GPC6: variants seen among roughly 807,000 people sequenced by gnomAD.
GPC6 encodes glypican-6.
Under a neutral mutation model 55.2 loss-of-function variants are expected in GPC6, and 14 were observed. The ratio of observed to expected loss-of-function variants is 0.25; its 90% CI spans 0.17 to 0.40. The LOEUF (loss-of-function observed/expected upper bound fraction) is 0.40. Ranked by LOEUF, GPC6 falls within the 10% of genes least tolerant of loss-of-function variation. The pLI is 1.00. For synonymous variants in GPC6, 278 were observed against 259.6 expected (o/e 1.07, Z -0.68); for missense variants, 641 against 708.5 (o/e 0.90, Z 1.08).
chr13:94,259,953 A>G (rs116896929), intron 4 of GPC6, among the ~76,000 whole-genome samples: 1 of 152,088 alleles, frequency 6.6e-6, no homozygotes, highest in South Asian at 2.1e-4. Flanking sequence ...CTACCAATAG[A>G]CTTTGTGTTC....
At chr13:93,747,231 C>T (rs778327080) in intron 2 of GPC6, among the ~76,000 whole-genome samples, 2 of 152,122 alleles carry the variant, frequency 1.3e-5, no homozygotes, top group Non-Finnish European at 2.9e-5. Flanking sequence ...TTGGTGGAGG[C>T]CTTTGCCACT....
intron 1 of GPC6, among the ~76,000 whole-genome samples, chr13:93,288,461 T>A (rs998390467): frequency 2.6e-5 from 4 of 152,300 alleles, no homozygotes; most frequent in South Asian, 4.1e-4. Context: ...CTTTCTTTTT[T>A]TTCTTTCTGT....
intron 3 of GPC6, among the ~76,000 whole-genome samples, chr13:93,934,174 C>A (rs532054975): frequency 2.8e-4 from 42 of 152,168 alleles, no homozygotes; most frequent in African/African-American, 9.6e-4. Flanking sequence ...CAAGGTTATC[C>A]CATAGCCTTG....
intron 2 of GPC6, among the ~76,000 whole-genome samples, chr13:93,644,047 T>G (rs1880070910): frequency 6.6e-6 from 1 of 152,090 alleles, no homozygotes; most frequent in African/African-American, 2.4e-5. Flanking sequence ...TGTAATCCCA[T>G]CAGCTTGTAA....
chr13:93,727,321 T>G (rs1290137306), intron 2 of GPC6, among the ~76,000 whole-genome samples: 1 of 152,150 alleles, frequency 6.6e-6, no homozygotes, highest in East Asian at 1.9e-4. Context: ...CTACAGAATA[T>G]TGCATTTTTC....
At chr13:94,003,748 C>T (rs2140427024) in intron 3 of GPC6, among the ~76,000 whole-genome samples, 1 of 152,240 alleles carries the variant, frequency 6.6e-6, no homozygotes, top group South Asian at 2.1e-4. Flanking sequence ...AAAGTTCAAT[C>T]AGTTCTAATG....
chr13:93,328,544 A>G (rs963236130), intron 1 of GPC6, among the ~76,000 whole-genome samples: 5 of 152,042 alleles, frequency 3.3e-5, no homozygotes, highest in African/African-American at 4.8e-5. Flanking sequence ...GCGTGGTGGC[A>G]TACACCTGTA....
rs142258226 is a variant in GPC6, at chr13:94,144,180, A to G, written c.877+116286A>G. 9.7e-4 allele frequency among the ~76,000 whole-genome samples: 148 copies of G among 152,260 alleles called. 1 individual carries two copies. The highest frequency in any genetic ancestry group is 3.4e-3 in the African/African-American group (143 of 41,568). On this transcript the variant is annotated intron_variant, in intron 4 of 8. Coordinates refer to ENST00000377047, the MANE Select transcript of GPC6 (RefSeq NM_005708.5). Reference sequence around the variant, plus strand: ...GTAAGAAAAAGACTGAGAGTCACCCAGCAGCAAGCAAGTACCTGTAACCAC... The same window carrying G: ...GTAAGAAAAAGACTGAGAGTCACCCGGCAGCAAGCAAGTACCTGTAACCAC...
At chr13:93,859,592 T>A (rs1436496970) in intron 3 of GPC6, among the ~76,000 whole-genome samples, 1 of 151,690 alleles carries the variant, frequency 6.6e-6, no homozygotes, top group African/African-American at 2.4e-5. Context: ...TGTCTATCAT[T>A]TTGACCAAGA....
chr13:94,155,863 C>T (rs1295414994), intron 4 of GPC6, among the ~76,000 whole-genome samples: 1 of 152,098 alleles, frequency 6.6e-6, no homozygotes, highest in Admixed American at 6.6e-5. Flanking sequence ...GTGCATGTTG[C>T]CTGCACAGGA....
intron 2 of GPC6, among the ~76,000 whole-genome samples, chr13:93,796,776 C>T (rs1424224797): frequency 3.9e-5 from 6 of 152,104 alleles, no homozygotes; most frequent in Admixed American, 1.3e-4. Context: ...TAAAACAACA[C>T]GTATTGGATT....
At chr13:93,261,622 A>G (rs766674729) in intron 1 of GPC6, among the ~76,000 whole-genome samples, 4 of 152,212 alleles carry the variant, frequency 2.6e-5, no homozygotes, top group Non-Finnish European at 4.4e-5. Context: ...AGGGAAATTG[A>G]GTGTAAATCC....
intron 2 of GPC6, among the ~76,000 whole-genome samples, chr13:93,821,519 G>A (rs1887045874): frequency 6.6e-6 from 1 of 152,110 alleles, no homozygotes; most frequent in Admixed American, 6.5e-5. Flanking sequence ...GTCTCTTCCT[G>A]GGCTGGTCAA....
rs56203923 is a variant in GPC6 at position 93,412,653 on chromosome 13, T to A, written c.161-132610T>A. Reference sequence around the variant, plus strand: ...ACCTGGGTGACAGAGTGAGACTCCATCTCAAAAACAAACAAACAAATAAAT... The same window carrying A: ...ACCTGGGTGACAGAGTGAGACTCCAACTCAAAAACAAACAAACAAATAAAT... On this transcript the variant is annotated intron_variant, in intron 1 of 8. Transcript: ENST00000377047. Among the ~76,000 whole-genome samples the A allele has an allele frequency of 6.3e-3, 959 of 152,144 alleles. 6 individuals carry two copies. Among genetic ancestry groups the A allele is most frequent in the Non-Finnish European group, 0.01 (682 of 67,954 alleles).
chr13:94,197,434 C>T (rs1185521982), intron 4 of GPC6, among the ~76,000 whole-genome samples: 1 of 152,166 alleles, frequency 6.6e-6, no homozygotes, highest in Non-Finnish European at 1.5e-5. Context: ...TTCTAGAGAC[C>T]AGAAGTCCAA....
At chr13:94,004,403 C>G (rs1313847981) in intron 3 of GPC6, among the ~76,000 whole-genome samples, 2 of 151,958 alleles carry the variant, frequency 1.3e-5, no homozygotes, top group Non-Finnish European at 2.9e-5. Context: ...AGCCAGGCAC[C>G]ACTCCAGTGC....
intron 3 of GPC6, among the ~76,000 whole-genome samples, chr13:93,986,765 G>C (rs953728984): frequency 1.3e-5 from 2 of 152,070 alleles, no homozygotes; most frequent in Non-Finnish European, 2.9e-5. Flanking sequence ...ATTTTATTAT[G>C]TGTTATTTTA....
intron 1 of GPC6, among the ~76,000 whole-genome samples, chr13:93,412,872 C>A (rs1876563039): frequency 6.6e-6 from 1 of 152,158 alleles, no homozygotes; most frequent in African/African-American, 2.4e-5. Context: ...CCTAGTGCCA[C>A]TTTTTACCCC....
chr13:93,368,919 CTT>C (rs1364585695), intron 1 of GPC6, among the ~76,000 whole-genome samples: 1 of 152,048 alleles, frequency 6.6e-6, no homozygotes, highest in Non-Finnish European at 1.5e-5. Flanking sequence ...ATTGCTGACT[CTT>C]TGCACTCTCC....
Sources: gnomAD v4.1 joint callset for allele counts (sites outside exome capture counted in the v4.1 genomes callset) on GRCh38, gnomAD v4.1.1 for gene constraint, MANE v1.5 for transcripts, NCBI Gene and HGNC (gene_info 2026-07-23, HGNC 2026-07-21) for gene names.